Variants in ZSCAN4 observed in about 807,000 individuals in gnomAD.
ZSCAN4 encodes the protein zinc finger and SCAN domain-containing protein 4.
ZSCAN4 carries 18 observed loss-of-function variants against 18.3 expected under a neutral mutation model. That is an observed-to-expected ratio of 0.98 (90% confidence interval 0.68 to 1.46). ZSCAN4 has a LOEUF of 1.46. Among genes scored for constraint, ZSCAN4 ranks in the 40% most tolerant of loss-of-function variants. ZSCAN4 has a pLI of 0.00. For synonymous variants in ZSCAN4, 193 were observed against 180.3 expected, an observed-to-expected ratio of 1.07 and a Z score of -0.57; for missense variants, 498 against 511.4, an observed-to-expected ratio of 0.97 and a Z score of 0.25.
exon 5 of ZSCAN4, chr19:57,678,715 G>A (rs1456656043): frequency 6.2e-7 from 1 of 1,614,164 alleles, no homozygotes; most frequent in South Asian, 1.1e-5. Context: ...TTCACATGCA[G>A]CATGTGTAAA....
chr19:57,669,422 G>T (rs1163583813), intron 1 of ZSCAN4, among the ~76,000 whole-genome samples: 4 of 102,918 alleles, frequency 3.9e-5, no homozygotes, highest in East Asian at 3.0e-4. Context: ...GTATTTTTGT[G>T]TGTGTTTGTT....
At chr19:57,652,371 C>T in the ZSCAN4 span, among the ~76,000 whole-genome samples, 1 of 152,198 alleles carries the variant, frequency 6.6e-6, no homozygotes, top group Admixed American at 6.5e-5. Context: ...AATGGTAAAT[C>T]GTCCGGGGTG....
chr19:57,674,033 T>C (rs372638222), intron 2 of ZSCAN4, among the ~76,000 whole-genome samples: 8 of 152,330 alleles, frequency 5.3e-5, no homozygotes, highest in Admixed American at 3.3e-4. Flanking sequence ...GGATTACAGG[T>C]GTGAGCCACA....
chr19:57,662,410 A>C, the ZSCAN4 span, among the ~76,000 whole-genome samples: 1 of 151,902 alleles, frequency 6.6e-6, no homozygotes, highest in East Asian at 1.9e-4. Flanking sequence ...TAAATATCTT[A>C]TTTAGATTAT....
chr19:57,665,508 G>A (rs1011771787), upstream of ZSCAN4, among the ~76,000 whole-genome samples: 4 of 151,786 alleles, frequency 2.6e-5, no homozygotes, highest in Non-Finnish European at 4.4e-5. Flanking sequence ...TTTTTTTAAA[G>A]CTCATACAAA....
chr19:57,655,510 G>A, the ZSCAN4 span, among the ~76,000 whole-genome samples: 1 of 152,110 alleles, frequency 6.6e-6, no homozygotes, highest in Admixed American at 6.5e-5. Context: ...CCCTGTTTAA[G>A]GATCTTATGT....
exon 5 of ZSCAN4, chr19:57,678,534 T>G (rs1159300831): frequency 6.2e-7 from 1 of 1,614,070 alleles, no homozygotes; most frequent in South Asian, 1.1e-5. Flanking sequence ...AGTCCAAAAA[T>G]CATACAAATG....
the ZSCAN4 span, among the ~76,000 whole-genome samples, chr19:57,659,713 T>A: frequency 6.6e-6 from 1 of 152,218 alleles, no homozygotes; most frequent in African/African-American, 2.4e-5. Context: ...CACACAGCTC[T>A]ATATTCTGCT....
At chr19:57,654,870 C>T in the ZSCAN4 span, among the ~76,000 whole-genome samples, 2 of 152,154 alleles carry the variant, frequency 1.3e-5, no homozygotes, top group South Asian at 4.1e-4. Context: ...TGGAATAGCC[C>T]CTGCTTATTT....
chr19:57,657,560 G>A, the ZSCAN4 span, among the ~76,000 whole-genome samples: 1 of 152,104 alleles, frequency 6.6e-6, no homozygotes, highest in Non-Finnish European at 1.5e-5. Context: ...AAACACTGTA[G>A]CCGTTATTAA....
chr19:57,665,452 T>C (rs1469101500), upstream of ZSCAN4, among the ~76,000 whole-genome samples: 2 of 152,160 alleles, frequency 1.3e-5, no homozygotes, highest in Admixed American at 1.3e-4. Context: ...GACACAAATA[T>C]GTTTACACTT....
the ZSCAN4 span, among the ~76,000 whole-genome samples, chr19:57,662,189 A>G: frequency 6.6e-6 from 1 of 152,262 alleles, no homozygotes; most frequent in South Asian, 2.1e-4. Context: ...TTTCTTACAG[A>G]AGAATTTAAC....
the ZSCAN4 span, among the ~76,000 whole-genome samples, chr19:57,661,892 G>GT: frequency 1.6e-4 from 24 of 152,026 alleles, no homozygotes; most frequent in Non-Finnish European, 3.4e-4. Flanking sequence ...GACCAGCCTG[G>GT]CCAACATGAT....
chr19:57,667,940 C>T (rs1983903875), upstream of ZSCAN4, among the ~76,000 whole-genome samples: 1 of 151,934 alleles, frequency 6.6e-6, no homozygotes, highest in Non-Finnish European at 1.5e-5. Context: ...CTCACTCTGT[C>T]GCCCAGGCTG....
At chr19:57,651,531 A>G in the ZSCAN4 span, among the ~76,000 whole-genome samples, 2 of 152,180 alleles carry the variant, frequency 1.3e-5, no homozygotes. Context: ...CCCAATCTGT[A>G]AGCAGGGGTG....
rs144408851 is a variant in ZSCAN4, at chr19:57,673,761, T to G, written c.-105-2280T>G. On this transcript the variant is annotated intron_variant, in intron 2 of 4. Coordinates refer to ENST00000318203, the Ensembl canonical transcript of ZSCAN4. ...TGATGATGATGATGATTATTATTAT[T>G]ATTATTATTATTGAGACAGAGTTTC... 3.0e-3 allele frequency among the ~76,000 whole-genome samples: 449 copies of G among 152,172 alleles called. 2 individuals are homozygous for G. Among genetic ancestry groups the G allele is most frequent in the Middle Eastern group, 6.8e-3 (2 of 294 alleles).
chr19:57,670,658 G>T (rs953506340), intron 2 of ZSCAN4, 91 bp downstream of exon 2: 3 of 152,156 alleles, frequency 2.0e-5, no homozygotes, highest in African/African-American at 7.2e-5. Flanking sequence ...TTGTGTCTTT[G>T]AGTGTGTATA....
At chr19:57,677,832 A>C in intron 3 of ZSCAN4, 82 bp from the exon 4 acceptor site, 1 of 1,345,746 alleles carries the variant, frequency 7.4e-7, no homozygotes, top group Non-Finnish European at 9.9e-7. Context: ...AGCTTGTGAG[A>C]GCCTGTTAAG....
exon 3 of ZSCAN4, chr19:57,676,376 G>A (rs372036573): frequency 7.4e-6 from 12 of 1,614,066 alleles, no homozygotes; most frequent in African/African-American, 4.0e-5. Flanking sequence ...AACCAGAAAA[G>A]CACAGCAAGG....
Sources: allele counts gnomAD v4.1 joint callset (sites outside exome capture counted in the v4.1 genomes callset), GRCh38; gene constraint gnomAD v4.1.1; transcripts MANE v1.5; gene names NCBI Gene and HGNC (gene_info 2026-07-23, HGNC 2026-07-21).